ZYG11B: variants seen among roughly 807,000 people sequenced by gnomAD.
The protein encoded by ZYG11B is zyg-11 family member B, cell cycle regulator.
In ZYG11B, 36 loss-of-function variants were observed where a neutral mutation model predicts 82.4. That is an observed-to-expected ratio of 0.44 (90% CI 0.33 to 0.58). ZYG11B has a LOEUF of 0.58. Ranked by LOEUF, ZYG11B falls within the 20% of genes least tolerant of loss-of-function variation. ZYG11B has a pLI of 0.02. For missense variants in ZYG11B, 552 were observed against 895.6 expected, an observed-to-expected ratio of 0.62 and a Z score of 4.90; for synonymous variants, 303 against 312.8, an observed-to-expected ratio of 0.97 and a Z score of 0.33.
At chr1:52,775,959 T>C (rs1350802395) in intron 3 of ZYG11B, among the ~76,000 whole-genome samples, 1 of 151,856 alleles carries the variant, frequency 6.6e-6, no homozygotes, top group African/African-American at 2.4e-5. Context: ...CTCACGCCTG[T>C]AATCCCAGTG....
intron 8 of ZYG11B, among the ~76,000 whole-genome samples, chr1:52,797,144 T>C (rs1449499847): frequency 1.3e-5 from 1 of 77,144 alleles, no homozygotes; most frequent in Non-Finnish European, 2.1e-5. Flanking sequence ...TTATATATTA[T>C]ATATTATATA....
chr1:52,763,122 C>A (rs1046464253), intron 2 of ZYG11B, among the ~76,000 whole-genome samples: 4 of 152,072 alleles, frequency 2.6e-5, no homozygotes, highest in Admixed American at 2.6e-4. Context: ...GAATTAATTT[C>A]TAGGGTTTCT....
At chr1:52,792,500 T>C (rs181980034) in intron 6 of ZYG11B, among the ~76,000 whole-genome samples, 49 of 152,322 alleles carry the variant, frequency 3.2e-4, no homozygotes, top group Middle Eastern at 6.8e-3. Context: ...ATTACTCTTA[T>C]GATCTTCATT....
chr1:52,752,708 A>T (rs11206006), intron 1 of ZYG11B, among the ~76,000 whole-genome samples: 4 of 149,374 alleles, frequency 2.7e-5, no homozygotes, highest in Non-Finnish European at 4.4e-5. Flanking sequence ...CTGTAGTGCT[A>T]TGCTAATTCT....
At chr1:52,746,673 A>T (rs773089188) in intron 1 of ZYG11B, among the ~76,000 whole-genome samples, 1 of 134,604 alleles carries the variant, frequency 7.4e-6, no homozygotes, top group Non-Finnish European at 1.5e-5. Flanking sequence ...CCAAAAAAAT[A>T]AAGATCGGCC....
intron 2 of ZYG11B, among the ~76,000 whole-genome samples, chr1:52,758,009 GACCCACGTGGTGAA>G (rs1324987388): frequency 6.6e-6 from 1 of 151,874 alleles, no homozygotes; most frequent in Non-Finnish European, 1.5e-5. Context: ...AGACCAGCCT[GACCCACGTGGTGAA>G]ACCCCGTCTT....
chr1:52,759,241 T>C (rs1202262889), intron 2 of ZYG11B, among the ~76,000 whole-genome samples: 1 of 152,130 alleles, frequency 6.6e-6, no homozygotes, highest in Non-Finnish European at 1.5e-5. Flanking sequence ...CAGTGCTCAG[T>C]ATATTAGATT....
intron 2 of ZYG11B, among the ~76,000 whole-genome samples, chr1:52,767,076 GTTATT>G (rs138973875): frequency 0.14 from 21,398 of 148,920 alleles, 3,119 homozygotes; most frequent in African/African-American, 0.38. Flanking sequence ...TATTTTTTAT[GTTATT>G]TTATGTTATA....
chr1:52,804,371 G>T (rs1227139475), intron 10 of ZYG11B, among the ~76,000 whole-genome samples: 1 of 152,184 alleles, frequency 6.6e-6, no homozygotes, highest in African/African-American at 2.4e-5. Flanking sequence ...CCAGCACTTT[G>T]GGAGGGTGAG....
At chr1:52,738,005 G>GA (rs1644392115) in intron 1 of ZYG11B, among the ~76,000 whole-genome samples, 1 of 152,186 alleles carries the variant, frequency 6.6e-6, no homozygotes, top group African/African-American at 2.4e-5. Context: ...GATTTAACAG[G>GA]AAGAGCTGAG....
In ZYG11B at chr1:52,733,058, A is replaced by G. The variant is rs1164622142; in HGVS notation, c.30+6375A>G. ...TGCGTGGAAGCAATTGTATACAAAG[A>G]CAGAATTATTTCCTATTTCAGTAAA... On this transcript the variant is annotated intron_variant, in intron 1 of 13. Coordinates refer to ENST00000294353, the MANE Select transcript of ZYG11B (RefSeq NM_024646.3). 2.0e-5 allele frequency among the ~76,000 whole-genome samples: 3 copies of G among 152,202 alleles called. No individual in the cohort carries two copies. In the East Asian group the frequency reaches 5.8e-4, roughly 29 times the overall value.
intron 10 of ZYG11B, among the ~76,000 whole-genome samples, chr1:52,811,365 A>G (rs1169556723): frequency 2.0e-5 from 3 of 152,190 alleles, no homozygotes; most frequent in African/African-American, 7.2e-5. Flanking sequence ...AGTTATAAGC[A>G]TGTTAGACTT....
chr1:52,760,820 T>C (rs543245046), intron 2 of ZYG11B, among the ~76,000 whole-genome samples: 1 of 148,804 alleles, frequency 6.7e-6, no homozygotes, highest in African/African-American at 2.5e-5. Context: ...TGGAGTGCAG[T>C]GGTGCAGTCT....
rs558529644 is a variant in ZYG11B at position 52,823,724 on chromosome 1, A to T, written c.*2095A>T. On this transcript the variant is annotated 3_prime_UTR_variant, in exon 14 of 14. Coordinates refer to ENST00000294353, the MANE Select transcript of ZYG11B (RefSeq NM_024646.3). ...AAAGTGCATATTTCTTTACAGGCTA[A>T]TGCTAGGTTTTTGTCTTTACAAATT... is the stretch of plus-strand genomic sequence containing the variant. 1.3e-5 allele frequency: 2 copies of T among 152,302 alleles called. No individual in the cohort carries two copies. The highest frequency in any genetic ancestry group is 4.8e-5 in the African/African-American group (2 of 41,556). 9.4% of individuals were successfully genotyped at this position (152,302 alleles called of 1,614,324 possible).
Position 52,787,132 on chromosome 1 carries a change from A to G in ZYG11B, c.1269+2079A>G, listed in dbSNP as rs115155659. Among the ~76,000 whole-genome samples the G allele has an allele frequency of 6.8e-3, 1,037 of 152,230 alleles. 21 individuals are homozygous for G. Among genetic ancestry groups the G allele is most frequent in the African/African-American group, 0.024 (996 of 41,550 alleles). On this transcript the variant is annotated intron_variant, in intron 5 of 13. Coordinates refer to ENST00000294353, the MANE Select transcript of ZYG11B (RefSeq NM_024646.3). Reference sequence around the variant, plus strand: ...TCACAGTAGCACTGTGTAACTGTGTATAATGATAACATATTGGAAACACCA... The same window carrying G: ...TCACAGTAGCACTGTGTAACTGTGTGTAATGATAACATATTGGAAACACCA...
At chr1:52,736,218 A>G (rs1376902784) in intron 1 of ZYG11B, among the ~76,000 whole-genome samples, 3 of 152,136 alleles carry the variant, frequency 2.0e-5, no homozygotes, top group Non-Finnish European at 4.4e-5. Context: ...TATCCTGTGT[A>G]CTTGGTGATG....
At chr1:52,800,430 A>C (rs568582904) in intron 8 of ZYG11B, among the ~76,000 whole-genome samples, 1 of 152,206 alleles carries the variant, frequency 6.6e-6, no homozygotes, top group East Asian at 1.9e-4. Context: ...TCTTATTGCT[A>C]TATATGTACC....
chr1:52,802,505 A>G (rs997106223), intron 10 of ZYG11B, among the ~76,000 whole-genome samples: 64 of 151,634 alleles, frequency 4.2e-4, no homozygotes, highest in African/African-American at 1.4e-3. Flanking sequence ...TGTGCACCAC[A>G]ATGCCCAGCT....
chr1:52,791,995 T>C (rs1222836186), intron 6 of ZYG11B, among the ~76,000 whole-genome samples: 3 of 152,196 alleles, frequency 2.0e-5, no homozygotes, highest in African/African-American at 7.2e-5. Context: ...TATTTAACTC[T>C]GCCATTGTCC....
Sources: gnomAD v4.1 joint callset for allele counts (sites outside exome capture counted in the v4.1 genomes callset) on GRCh38, gnomAD v4.1.1 for gene constraint, MANE v1.5 for transcripts, NCBI Gene and HGNC (gene_info 2026-07-23, HGNC 2026-07-21) for gene names.